MAPK9: variants seen among roughly 807,000 people sequenced by gnomAD.
The protein encoded by MAPK9 is mitogen-activated protein kinase 9, also known as Jun kinase.
Under a neutral mutation model 57.1 loss-of-function variants are expected in MAPK9, and 30 were observed. The ratio of observed to expected loss-of-function variants is 0.53; its 90% confidence interval spans 0.39 to 0.71. The LOEUF is 0.71. Ranked by LOEUF, MAPK9 falls within the 30% of genes least tolerant of loss-of-function variation. MAPK9 has a pLI of 0.00. For missense variants in MAPK9, 362 were observed against 521.0 expected, an observed-to-expected ratio of 0.69 and a Z score of 2.97; for synonymous variants, 155 against 177.0, an observed-to-expected ratio of 0.88 and a Z score of 0.99.
At chr5:180,283,652 T>C (rs1451908878) in intron 1 of MAPK9, among the ~76,000 whole-genome samples, 2 of 152,236 alleles carry the variant, frequency 1.3e-5, no homozygotes, top group Admixed American at 6.5e-5. Context: ...AGATTTAAAA[T>C]AGTCCGGGCA....
chr5:180,281,798 G>A (rs551760208), intron 1 of MAPK9, among the ~76,000 whole-genome samples: 12 of 152,180 alleles, frequency 7.9e-5, no homozygotes, highest in African/African-American at 2.7e-4. Flanking sequence ...TCTTCTCCCC[G>A]TCCTCTGGGT....
chr5:180,264,905 T>A (rs1219519423), intron 3 of MAPK9, 66 bp from the exon 4 acceptor site: 2 of 1,300,568 alleles, frequency 1.5e-6, no homozygotes, highest in African/African-American at 3.1e-5. Flanking sequence ...TTAAGTTTAA[T>A]ATTGAAATGC....
intron 6 of MAPK9, among the ~76,000 whole-genome samples, chr5:180,248,439 A>G (rs1175456280): frequency 6.6e-6 from 1 of 152,294 alleles, no homozygotes; most frequent in Non-Finnish European, 1.5e-5. Flanking sequence ...TTTTCAACAA[A>G]TTTGCTAAAA....
At chr5:180,284,548 C>G (rs1432866679) in intron 1 of MAPK9, among the ~76,000 whole-genome samples, 1 of 152,210 alleles carries the variant, frequency 6.6e-6, no homozygotes, top group African/African-American at 2.4e-5. Flanking sequence ...TCAGTGAGAG[C>G]TGAGAAGTGG....
Position 180,233,806 on chromosome 5 carries a change from C to A in MAPK9, c.*2578G>T, listed in dbSNP as rs574965522. Reference sequence around the variant, plus strand: ...ATCGCTACTTACACAGCATTAAATGCGGGTTGAAGCAGCACCCGCTCCGTG... The same window carrying A: ...ATCGCTACTTACACAGCATTAAATGAGGGTTGAAGCAGCACCCGCTCCGTG... On this transcript the variant is annotated 3_prime_UTR_variant, in exon 12 of 12. Transcript: ENST00000452135. 7 of 152,284 alleles carry A rather than the reference C, an allele frequency of 4.6e-5. No individual in the cohort carries two copies. The highest frequency in any genetic ancestry group is 1.2e-4 in the African/African-American group (5 of 41,558). 9.4% of individuals were successfully genotyped at this position (152,284 alleles called of 1,614,324 possible).
intron 4 of MAPK9, among the ~76,000 whole-genome samples, chr5:180,264,261 G>A (rs1257354292): frequency 6.6e-6 from 1 of 152,186 alleles, no homozygotes; most frequent in African/African-American, 2.4e-5. Context: ...CCCAGAGAGT[G>A]CCCAGCACAC....
chr5:180,290,355 C>T (rs1763123940), intron 1 of MAPK9, among the ~76,000 whole-genome samples: 2 of 152,198 alleles, frequency 1.3e-5, no homozygotes, highest in Non-Finnish European at 2.9e-5. Flanking sequence ...CAAGGCCCCC[C>T]AGCACCACCT....
intron 3 of MAPK9, among the ~76,000 whole-genome samples, chr5:180,268,084 A>G (rs1048955813): frequency 6.6e-6 from 1 of 152,104 alleles, no homozygotes; most frequent in Non-Finnish European, 1.5e-5. Context: ...TCGGCCTCCT[A>G]AAGTGCTGGG....
intron 4 of MAPK9, among the ~76,000 whole-genome samples, chr5:180,263,985 G>A (rs987494571): frequency 1.3e-5 from 2 of 152,130 alleles, no homozygotes; most frequent in East Asian, 1.9e-4. Flanking sequence ...GATTATAGGC[G>A]TGAGCCACCG....
intron 9 of MAPK9, 123 bp from the exon 10 acceptor site, chr5:180,240,110 C>T (rs1034594324): frequency 7.3e-6 from 5 of 687,906 alleles, no homozygotes; most frequent in South Asian, 5.2e-5. Context: ...TTTAATTCAA[C>T]ACGTGGTTTA....
chr5:180,266,016 G>A, intron 3 of MAPK9, among the ~76,000 whole-genome samples: 1 of 150,512 alleles, frequency 6.6e-6, no homozygotes, highest in East Asian at 1.9e-4. Flanking sequence ...ACAAAAAATG[G>A]GTGATAAAAA....
intron 1 of MAPK9, among the ~76,000 whole-genome samples, chr5:180,287,424 AAG>A (rs1762870733): frequency 6.6e-6 from 1 of 152,188 alleles, no homozygotes. Context: ...GGAAAGAAAA[AAG>A]AGAGATTTGT....
In MAPK9 at chr5:180,282,528, A is replaced by T. The variant is rs11249689; in HGVS notation, c.-47-1920T>A. 3.6e-3 allele frequency among the ~76,000 whole-genome samples: 546 copies of T among 152,180 alleles called. 4 individuals are homozygous for T. Among genetic ancestry groups the T allele is most frequent in the African/African-American group, 0.013 (519 of 41,502 alleles). On this transcript the variant is annotated intron_variant, in intron 1 of 11. Transcript: ENST00000452135. ...GGGGCAGAAGACAAGGACGGCTTCAAGGAGGAGGCGGCATCCGCCCTCAGA... is the reference window on the plus strand; with the variant it reads ...GGGGCAGAAGACAAGGACGGCTTCATGGAGGAGGCGGCATCCGCCCTCAGA...
chr5:180,284,878 A>G (rs1321899761), intron 1 of MAPK9, among the ~76,000 whole-genome samples: 1 of 152,200 alleles, frequency 6.6e-6, no homozygotes, highest in Non-Finnish European at 1.5e-5. Context: ...TGAAGAAGAG[A>G]ACACATAATG....
At chr5:180,259,715 T>C (rs1004198389) in intron 5 of MAPK9, among the ~76,000 whole-genome samples, 8 of 152,180 alleles carry the variant, frequency 5.3e-5, no homozygotes, top group African/African-American at 1.9e-4. Context: ...CCTTTGACTA[T>C]AAGGAATGTG....
intron 2 of MAPK9, among the ~76,000 whole-genome samples, chr5:180,278,089 T>A (rs560144347): frequency 6.6e-6 from 1 of 152,224 alleles, no homozygotes; most frequent in Non-Finnish European, 1.5e-5. Context: ...TGTTCATTAT[T>A]ACTAAGATTC....
chr5:180,262,841 C>T (rs1760125964), intron 4 of MAPK9: 3 of 152,344 alleles, frequency 2.0e-5, no homozygotes, highest in African/African-American at 7.2e-5. Context: ...GCTGCTAAAT[C>T]CACTGGCCAG....
Position 180,247,137 on chromosome 5 carries a change from T to C in MAPK9, c.688+302A>G. 6 of 455,876 alleles carry C rather than the reference T, an allele frequency of 1.3e-5. No homozygotes were observed. Among genetic ancestry groups the C allele is most frequent in the South Asian group, 9.8e-5 (3 of 30,548 alleles). 28.2% of individuals were successfully genotyped at this position (455,876 alleles called of 1,614,324 possible). A position where few individuals can be genotyped will look rare whatever the true frequency, so the allele number is the denominator to read the frequency against. On this transcript the variant is annotated intron_variant, in intron 7 of 11. Coordinates refer to ENST00000452135, the MANE Select transcript of MAPK9 (RefSeq NM_002752.5). This position sits in a 1 kb window ranked among gnomAD's most constrained non-coding sequence, Gnocchi z 4.5. ...TCATTTAAATATCAGAATATACTTA[T>C]CAAAGAGTAAATAATTTCTTCTATG...
chr5:180,255,057 A>G (rs937164407), intron 5 of MAPK9, among the ~76,000 whole-genome samples: 5 of 152,084 alleles, frequency 3.3e-5, no homozygotes, highest in Non-Finnish European at 4.4e-5. Context: ...TGGCACTAAG[A>G]AACTCCGGAG....
Sources: allele counts gnomAD v4.1 joint callset (sites outside exome capture counted in the v4.1 genomes callset), GRCh38; gene constraint gnomAD v4.1.1; non-coding constraint Gnocchi (gnomAD v3.1); transcripts MANE v1.5; gene names NCBI Gene and HGNC (gene_info 2026-07-23, HGNC 2026-07-21).